AGBL1: variants seen among roughly 807,000 people sequenced by gnomAD.
The protein encoded by AGBL1 is cytosolic carboxypeptidase 4.
A neutral mutation model predicts 118.9 loss-of-function variants in AGBL1; 130 were observed. That is an observed-to-expected ratio of 1.09 (90% CI 0.95 to 1.26). AGBL1 has a LOEUF of 1.26. AGBL1 is among the 50% of genes most tolerant of loss of function. The pLI is 0.00. For synonymous variants in AGBL1, 555 were observed against 478.9 expected, an observed-to-expected ratio of 1.16 and a Z score of -2.08; for missense variants, 1,584 against 1,298.1, an observed-to-expected ratio of 1.22 and a Z score of -3.38.
chr15:86,632,823 T>TA (rs1171377309), intron 21 of AGBL1, among the ~76,000 whole-genome samples: 4 of 123,390 alleles, frequency 3.2e-5, no homozygotes, highest in Non-Finnish European at 7.2e-5. Context: ...AGTTAATTTG[T>TA]AAAAAAGGTT....
At chr15:86,281,581 A>G (rs535421216) in intron 16 of AGBL1, among the ~76,000 whole-genome samples, 51 of 152,244 alleles carry the variant, frequency 3.3e-4, no homozygotes, top group African/African-American at 1.2e-3. Context: ...AAACATTAGA[A>G]TGCAAAGGGG....
intron 21 of AGBL1, among the ~76,000 whole-genome samples, chr15:86,577,148 G>A (rs2084103039): frequency 6.6e-6 from 1 of 152,190 alleles, no homozygotes; most frequent in South Asian, 2.1e-4. Context: ...TGTTGAATAG[G>A]TTTGCCCAAA....
At chr15:86,744,096 C>A (rs546677827) in intron 22 of AGBL1, among the ~76,000 whole-genome samples, 1 of 152,162 alleles carries the variant, frequency 6.6e-6, no homozygotes, top group South Asian at 2.1e-4. Flanking sequence ...AGACCAGATT[C>A]TTGCTGAGAA....
intron 22 of AGBL1, among the ~76,000 whole-genome samples, chr15:86,800,092 A>G (rs28361552): frequency 0.03 from 4,561 of 152,158 alleles, 217 homozygotes; most frequent in African/African-American, 0.1. Flanking sequence ...TTGTTTACTA[A>G]TAAGTAATGG....
intron 18 of AGBL1, among the ~76,000 whole-genome samples, chr15:86,403,239 A>T (rs2081475011): frequency 6.6e-6 from 1 of 152,182 alleles, no homozygotes; most frequent in Non-Finnish European, 1.5e-5. Context: ...AATAATTTTT[A>T]TAAAGTCAAC....
At chr15:86,483,247 C>G (rs979442363) in intron 18 of AGBL1, among the ~76,000 whole-genome samples, 1 of 152,016 alleles carries the variant, frequency 6.6e-6, no homozygotes, top group Non-Finnish European at 1.5e-5. Flanking sequence ...ACTGTACATC[C>G]TCTGTAGACT....
chr15:86,891,921 A>G (rs2080058111), intron 22 of AGBL1, among the ~76,000 whole-genome samples: 1 of 152,160 alleles, frequency 6.6e-6, no homozygotes, highest in Admixed American at 6.6e-5. Flanking sequence ...TTTGAATTAC[A>G]TGTCTGAAAC....
At chr15:86,206,754 G>T (rs563272878) in intron 5 of AGBL1, among the ~76,000 whole-genome samples, 4 of 152,278 alleles carry the variant, frequency 2.6e-5, no homozygotes, top group African/African-American at 4.8e-5. Flanking sequence ...CTCCCATTCT[G>T]TAGGTTGCCT....
At chr15:86,247,494 C>T (rs900048667) in intron 6 of AGBL1, among the ~76,000 whole-genome samples, 177 bp from the exon 7 acceptor site, 5 of 152,214 alleles carry the variant, frequency 3.3e-5, no homozygotes, top group African/African-American at 9.7e-5. Context: ...TGTCCCATTA[C>T]TGGGGATGTT....
intron 17 of AGBL1, among the ~76,000 whole-genome samples, chr15:86,372,315 T>C (rs978673365): frequency 6.6e-6 from 1 of 152,194 alleles, no homozygotes; most frequent in African/African-American, 2.4e-5. Context: ...CTTCTTTCCC[T>C]CCTTCCCTCC....
rs77912423 is a variant in AGBL1, at chr15:86,742,954, C to T, written c.3158+68518C>T. Among the ~76,000 whole-genome samples the T allele has an allele frequency of 5.1e-3, 783 of 152,070 alleles. 6 individuals are homozygous for T. The highest frequency in any genetic ancestry group is 0.018 in the African/African-American group (735 of 41,460). On this transcript the variant is annotated intron_variant, in intron 22 of 22. Transcript: ENST00000614907. ...TTGTTATATGGATAAATTCTGTGGA[C>T]GCTGTGGGGGTAATAGTATCATATA... is the stretch of plus-strand genomic sequence containing the variant.
chr15:86,528,838 G>T (rs1269202987), intron 19 of AGBL1, among the ~76,000 whole-genome samples: 2 of 19,422 alleles, frequency 1.0e-4, no homozygotes, highest in Non-Finnish European at 1.8e-4. Flanking sequence ...GCACCCCCCA[G>T]CAGGGGCACA....
In AGBL1 at chr15:86,792,728, T is replaced by C. The variant is rs74025492; in HGVS notation, c.3159-114359T>C. Among the ~76,000 whole-genome samples, 524 of 152,098 alleles carry C rather than the reference T, an allele frequency of 3.4e-3. 6 individuals are homozygous for C. The highest frequency in any genetic ancestry group is 0.012 in the African/African-American group (492 of 41,502). On this transcript the variant is annotated intron_variant, in intron 22 of 22. Coordinates refer to ENST00000614907, the MANE Select transcript of AGBL1 (RefSeq NM_001386094.1). ...AGGCCGAGATGGGAGGATTGCTTGA[T>C]CCCAGGAGCTCAGGACCAGCCTGGA...
At chr15:86,939,728 C>T (rs1231500311) in intron 23 of AGBL1, 1 of 152,248 alleles carries the variant, frequency 6.6e-6, no homozygotes, top group African/African-American at 2.4e-5. Flanking sequence ...CATTTATCCT[C>T]TCCATCAGTA....
chr15:86,364,626 C>G (rs1019219969), intron 17 of AGBL1, among the ~76,000 whole-genome samples: 2 of 152,030 alleles, frequency 1.3e-5, no homozygotes, highest in Non-Finnish European at 2.9e-5. Context: ...TATTTGAAAT[C>G]CTACATTATT....
intron 6 of AGBL1, among the ~76,000 whole-genome samples, chr15:86,242,625 G>A (rs139859814): frequency 1.3e-5 from 2 of 152,232 alleles, no homozygotes; most frequent in Admixed American, 6.5e-5. Context: ...ACACTCATCT[G>A]CATGTCTCAT....
intron 23 of AGBL1, among the ~76,000 whole-genome samples, chr15:86,958,881 A>G (rs892266153): frequency 6.6e-6 from 1 of 152,192 alleles, no homozygotes; most frequent in Non-Finnish European, 1.5e-5. Flanking sequence ...AAAAATATCA[A>G]TATGAATAAG....
intron 21 of AGBL1, among the ~76,000 whole-genome samples, chr15:86,595,283 A>G (rs961895624): frequency 6.6e-6 from 1 of 152,152 alleles, no homozygotes; most frequent in African/African-American, 2.4e-5. Context: ...CCCCAGACCT[A>G]AAAGTCTAAC....
At chr15:86,987,253 C>T (rs1280597552) in intron 23 of AGBL1, among the ~76,000 whole-genome samples, 2 of 152,106 alleles carry the variant, frequency 1.3e-5, no homozygotes, top group East Asian at 3.9e-4. Context: ...GCTCAGAGGC[C>T]TGACAGTTGA....
Sources: allele counts gnomAD v4.1 joint callset (sites outside exome capture counted in the v4.1 genomes callset), GRCh38; gene constraint gnomAD v4.1.1; transcripts MANE v1.5; gene names NCBI Gene and HGNC (gene_info 2026-07-23, HGNC 2026-07-21).